Variants in MAML2 observed in about 807,000 individuals in gnomAD.
MAML2 encodes the protein mastermind-like protein 2.
MAML2 carries 22 observed loss-of-function variants against 96.1 expected under a neutral mutation model. That is an observed-to-expected ratio of 0.23 (90% confidence interval 0.16 to 0.33). The LOEUF (loss-of-function observed/expected upper bound fraction) is 0.33, where lower values mean the gene tolerates loss of function less well. Among genes scored for constraint, MAML2 ranks in the 10% least tolerant of loss-of-function variants. The pLI is 1.00. For synonymous variants in MAML2, 561 were observed against 521.3 expected (o/e 1.08, Z -1.04); for missense variants, 1,367 against 1,392.4 (o/e 0.98, Z 0.29).
chr11:96,066,727 G>A (rs1172678262), intron 2 of MAML2, among the ~76,000 whole-genome samples: 1 of 152,160 alleles, frequency 6.6e-6, no homozygotes, highest in East Asian at 1.9e-4. Context: ...AACAAAACTA[G>A]GAAGGCTGCA....
In MAML2 at chr11:95,989,996, C is replaced by T. The variant is rs553700494; in HGVS notation, c.2343+1524G>A. On this transcript the variant is annotated intron_variant, in intron 3 of 4. Transcript: ENST00000524717. ...ACCCAGGCTGCACCTTTTGGTGCTC[C>T]ACCCTCCACCTACAATAGTGGACCC... Among the ~76,000 whole-genome samples, 66 of 152,254 alleles carry T rather than the reference C, an allele frequency of 4.3e-4. 1 individual carries two copies. Among genetic ancestry groups the T allele is most frequent in the Middle Eastern group, 6.8e-3 (2 of 294 alleles).
intron 2 of MAML2, among the ~76,000 whole-genome samples, chr11:95,999,167 T>C (rs1028588628): frequency 6.6e-6 from 1 of 152,180 alleles, no homozygotes; most frequent in Non-Finnish European, 1.5e-5. Flanking sequence ...CTGGGATAAA[T>C]ATTTAAAGAA....
intron 1 of MAML2, among the ~76,000 whole-genome samples, chr11:96,241,812 T>G (rs1862441894): frequency 6.6e-6 from 1 of 152,200 alleles, no homozygotes; most frequent in African/African-American, 2.4e-5. Context: ...GTTTTCGAAA[T>G]TCTAGTTTTG....
intron 2 of MAML2, among the ~76,000 whole-genome samples, chr11:96,076,916 T>TCTGA (rs1859449187): frequency 6.6e-6 from 1 of 152,128 alleles, no homozygotes; most frequent in African/African-American, 2.4e-5. Flanking sequence ...GCCATTTAGA[T>TCTGA]CTGACCCCAT....
chr11:96,176,830 A>G (rs989666398), intron 1 of MAML2, among the ~76,000 whole-genome samples: 2 of 152,162 alleles, frequency 1.3e-5, no homozygotes, highest in East Asian at 1.9e-4. Context: ...AGGAGCTTCA[A>G]TGTAGTGATA....
At chr11:96,230,517 A>T (rs143440954) in intron 1 of MAML2, among the ~76,000 whole-genome samples, 92 of 152,344 alleles carry the variant, frequency 6.0e-4, no homozygotes, top group African/African-American at 1.9e-3. Context: ...ATAGCATCCT[A>T]TATGCAGAGT....
intron 1 of MAML2, among the ~76,000 whole-genome samples, chr11:96,249,400 G>C (rs990343939): frequency 1.3e-5 from 2 of 152,002 alleles, no homozygotes; most frequent in African/African-American, 4.8e-5. Context: ...CAGCCCTTGC[G>C]CATGAATTCC....
chr11:96,255,852 T>C (rs1282726820), intron 1 of MAML2, among the ~76,000 whole-genome samples: 1 of 149,216 alleles, frequency 6.7e-6, no homozygotes, highest in Non-Finnish European at 1.5e-5. Flanking sequence ...TGGAGATAAT[T>C]TCCCCCCACC....
chr11:96,297,478 G>T (rs1397728349), intron 1 of MAML2, among the ~76,000 whole-genome samples: 1 of 152,090 alleles, frequency 6.6e-6, no homozygotes, highest in Admixed American at 6.5e-5. Context: ...AGGAGGCTGA[G>T]GCAGGAGAAC....
chr11:96,199,701 A>G (rs1861788172), intron 1 of MAML2, among the ~76,000 whole-genome samples: 3 of 152,158 alleles, frequency 2.0e-5, no homozygotes, highest in Admixed American at 2.0e-4. Context: ...TCCACATCCA[A>G]TAAATACCGT....
In MAML2 at chr11:96,242,210, T is replaced by C. The variant is rs866536503; in HGVS notation, c.513+99173A>G. ...TTAAAACCCTTGATGAATAAAGTGA[T>C]TTATTTCATATTATATTTATGAAAA... is the stretch of plus-strand genomic sequence containing the variant. On this transcript the variant is annotated intron_variant, in intron 1 of 4. Transcript: ENST00000524717. 2.0e-5 allele frequency among the ~76,000 whole-genome samples: 3 copies of C among 152,364 alleles called. No homozygotes were observed. In the South Asian group the frequency reaches 6.2e-4, roughly 32 times the overall value.
intron 1 of MAML2, among the ~76,000 whole-genome samples, chr11:96,194,607 C>G (rs1032791003): frequency 1.3e-5 from 2 of 152,162 alleles, no homozygotes; most frequent in Non-Finnish European, 2.9e-5. Flanking sequence ...AATCTACAAG[C>G]AAAATAACCA....
At chr11:96,205,824 T>G (rs979217458) in intron 1 of MAML2, among the ~76,000 whole-genome samples, 1 of 152,220 alleles carries the variant, frequency 6.6e-6, no homozygotes, top group Non-Finnish European at 1.5e-5. Flanking sequence ...CCTACCTTCT[T>G]TGTTGCTCCT....
chr11:96,298,146 CACA>C (rs1863328507), intron 1 of MAML2, among the ~76,000 whole-genome samples: 1 of 152,162 alleles, frequency 6.6e-6, no homozygotes, highest in Non-Finnish European at 1.5e-5. Flanking sequence ...TCTGCATGAC[CACA>C]TTGAAAGCAG....
chr11:96,039,904 G>A (rs1275629769), intron 2 of MAML2, among the ~76,000 whole-genome samples: 1 of 149,404 alleles, frequency 6.7e-6, no homozygotes, highest in Non-Finnish European at 1.5e-5. Context: ...CTTGCAGTGA[G>A]CAGAGATCGT....
At chr11:96,135,955 G>A (rs1371005401) in intron 1 of MAML2, among the ~76,000 whole-genome samples, 1 of 151,954 alleles carries the variant, frequency 6.6e-6, no homozygotes, top group Non-Finnish European at 1.5e-5. Context: ...ATAGATTTTT[G>A]TTGAAATGAA....
intron 1 of MAML2, among the ~76,000 whole-genome samples, chr11:96,299,129 T>C (rs1863352199): frequency 6.9e-6 from 1 of 145,958 alleles, no homozygotes; most frequent in South Asian, 2.2e-4. Flanking sequence ...GGTATTAATG[T>C]GCTGATTTTT....
intron 1 of MAML2, among the ~76,000 whole-genome samples, chr11:96,258,515 T>C (rs562020110): frequency 2.2e-4 from 33 of 152,218 alleles, no homozygotes; most frequent in Admixed American, 2.0e-3. Flanking sequence ...CTCATTAGGG[T>C]CCCTATTAGC....
intron 4 of MAML2, among the ~76,000 whole-genome samples, chr11:95,980,804 T>C (rs1857725069): frequency 6.6e-6 from 1 of 152,218 alleles, no homozygotes; most frequent in South Asian, 2.1e-4. Flanking sequence ...TCAAAGTGCC[T>C]GCCAGTTAAA....
Sources: allele counts gnomAD v4.1 joint callset (sites outside exome capture counted in the v4.1 genomes callset), GRCh38; gene constraint gnomAD v4.1.1; transcripts MANE v1.5; gene names NCBI Gene and HGNC (gene_info 2026-07-23, HGNC 2026-07-21).